Variants in RSU1 observed in about 807,000 individuals in gnomAD.
RSU1 encodes Ras suppressor protein 1, also known as rsu-1.
In RSU1, 26 loss-of-function variants were observed where a neutral mutation model predicts 31.1. The observed-to-expected ratio is 0.84, with a 90% CI of 0.61 to 1.16. The LOEUF is 1.16. Among genes scored for constraint, RSU1 ranks in the 50% most tolerant of loss-of-function variants. RSU1 has a pLI of 0.00. For missense variants in RSU1, 320 were observed against 339.1 expected, an observed-to-expected ratio of 0.94 and a Z score of 0.44; for synonymous variants, 164 against 136.3, an observed-to-expected ratio of 1.20 and a Z score of -1.41.
Position 16,648,118 on chromosome 10 carries a change from T to TAA in RSU1, c.731+46903_731+46904dup, listed in dbSNP as rs35212403. Among the ~76,000 whole-genome samples, 1,334 of 143,306 alleles carry TAA rather than the reference T, an allele frequency of 9.3e-3. 19 individuals carry two copies. The highest frequency in any genetic ancestry group is 0.032 in the African/African-American group (1,209 of 38,024). The allele number at this position is 143,306 out of a possible 152,430, so 94.0% of individuals were successfully genotyped here. ...CATGAGCCATTGTGCCTGGCTAATT[T>TAA]AAAAAAAAAAAAAATTTTTTTTTTT... On this transcript the variant is annotated intron_variant, in intron 8 of 8. Coordinates refer to ENST00000345264, the MANE Select transcript of RSU1 (RefSeq NM_012425.4).
Position 16,747,211 on chromosome 10 carries a change from C to CA in RSU1, c.598+5327dup, listed in dbSNP as rs549756285. ...TCAGTGTTTAGGAACCATAGTGCTTCAGGCTCAATCTTTCACTCTCTGCAG... is the reference window on the plus strand; with the variant it reads ...TCAGTGTTTAGGAACCATAGTGCTTCAAGGCTCAATCTTTCACTCTCTGCAG... On this transcript the variant is annotated intron_variant, in intron 7 of 8. Transcript: ENST00000345264. 1.5e-4 allele frequency among the ~76,000 whole-genome samples: 23 copies of CA among 152,310 alleles called. No individual in the cohort carries two copies. In the South Asian group the frequency reaches 4.1e-3, roughly 27 times the overall value.
At chr10:16,804,372 C>A (rs1364723412) in intron 2 of RSU1, among the ~76,000 whole-genome samples, 1 of 152,160 alleles carries the variant, frequency 6.6e-6, no homozygotes, top group African/African-American at 2.4e-5. Flanking sequence ...TGGTAGAAAA[C>A]AAAATGGTAC....
At chr10:16,730,643 G>T (rs1836489853) in intron 7 of RSU1, among the ~76,000 whole-genome samples, 1 of 152,084 alleles carries the variant, frequency 6.6e-6, no homozygotes, top group Admixed American at 6.5e-5. Flanking sequence ...TGCAGCAAAA[G>T]GTTACTTGAT....
At chr10:16,733,685 G>T (rs1270634394) in intron 7 of RSU1, among the ~76,000 whole-genome samples, 2 of 152,136 alleles carry the variant, frequency 1.3e-5, no homozygotes, top group African/African-American at 4.8e-5. Context: ...TTTTGTGAAA[G>T]AAGTAGGTGA....
chr10:16,812,957 T>C (rs1347457670), intron 2 of RSU1, among the ~76,000 whole-genome samples: 2 of 150,186 alleles, frequency 1.3e-5, no homozygotes, highest in African/African-American at 4.9e-5. Context: ...AAGAATAAAA[T>C]CAGCAGCATT....
chr10:16,778,861 G>A (rs1837595647), intron 3 of RSU1, among the ~76,000 whole-genome samples: 1 of 152,220 alleles, frequency 6.6e-6, no homozygotes, highest in Non-Finnish European at 1.5e-5. Context: ...GGCAGTGAGT[G>A]CATGAGAGTA....
At chr10:16,734,639 C>A (rs1405826525) in intron 7 of RSU1, among the ~76,000 whole-genome samples, 1 of 152,138 alleles carries the variant, frequency 6.6e-6, no homozygotes, top group African/African-American at 2.4e-5. Context: ...GGTAACTTGA[C>A]TTATTGTTGC....
chr10:16,804,773 T>TAG (rs1353743085), intron 2 of RSU1, among the ~76,000 whole-genome samples: 1 of 152,164 alleles, frequency 6.6e-6, no homozygotes, highest in African/African-American at 2.4e-5. Context: ...GGTAAAATTA[T>TAG]AGAGACAAAC....
At chr10:16,814,345 G>A (rs1838476982) in intron 2 of RSU1, among the ~76,000 whole-genome samples, 3 of 151,902 alleles carry the variant, frequency 2.0e-5, no homozygotes, top group Non-Finnish European at 4.4e-5. Context: ...CTACTCGGGA[G>A]GCTGAGGTGG....
intron 6 of RSU1, 115 bp from the exon 7 acceptor site, chr10:16,752,768 C>T: frequency 9.7e-7 from 1 of 1,036,160 alleles, no homozygotes; most frequent in South Asian, 1.4e-5. Context: ...CATGTATTTA[C>T]AAGTGCCGGC....
chr10:16,796,392 CAGT>C (rs1171580821), intron 2 of RSU1, among the ~76,000 whole-genome samples: 1 of 152,118 alleles, frequency 6.6e-6, no homozygotes, highest in Non-Finnish European at 1.5e-5. Flanking sequence ...TCTCTTCTCC[CAGT>C]CCTGCTCCAG....
chr10:16,706,144 G>A (rs1347121582), intron 7 of RSU1, among the ~76,000 whole-genome samples: 4 of 152,034 alleles, frequency 2.6e-5, no homozygotes, highest in Non-Finnish European at 4.4e-5. Flanking sequence ...CAATTATTTC[G>A]GGAATATACT....
chr10:16,711,818 G>C (rs1368681373), intron 7 of RSU1, among the ~76,000 whole-genome samples: 2 of 152,150 alleles, frequency 1.3e-5, no homozygotes, highest in Non-Finnish European at 2.9e-5. Context: ...CTCTATCCTG[G>C]AGAATGTTTC....
At chr10:16,767,872 ACT>A (rs1206976555) in intron 3 of RSU1, among the ~76,000 whole-genome samples, 2 of 151,900 alleles carry the variant, frequency 1.3e-5, no homozygotes, top group Non-Finnish European at 2.9e-5. Flanking sequence ...TCCCAACCAA[ACT>A]CTCTGAAAAA....
chr10:16,657,528 A>AG (rs1834808322), intron 8 of RSU1, among the ~76,000 whole-genome samples: 1 of 146,362 alleles, frequency 6.8e-6, no homozygotes, highest in African/African-American at 2.7e-5. Context: ...CAATCATACT[A>AG]GAAAAAAAAA....
At chr10:16,764,324 T>C in intron 4 of RSU1, 66 bp downstream of exon 4, 5 of 1,484,378 alleles carry the variant, frequency 3.4e-6, no homozygotes, top group Non-Finnish European at 4.5e-6. Flanking sequence ...ATCCCTCCCC[T>C]GGCCTTACCC....
intron 8 of RSU1, among the ~76,000 whole-genome samples, chr10:16,649,006 C>T (rs551063034): frequency 1.3e-5 from 2 of 152,056 alleles, no homozygotes; most frequent in Admixed American, 1.3e-4. Flanking sequence ...AAAATGATTC[C>T]GTTCTGAGAC....
At chr10:16,707,326 A>G (rs1394932831) in intron 7 of RSU1, among the ~76,000 whole-genome samples, 3 of 152,180 alleles carry the variant, frequency 2.0e-5, no homozygotes, top group African/African-American at 7.2e-5. Flanking sequence ...ACTCTTTTCC[A>G]TAATGGTTAA....
At chr10:16,747,205 G>A (rs1017162290) in intron 7 of RSU1, among the ~76,000 whole-genome samples, 3 of 152,148 alleles carry the variant, frequency 2.0e-5, no homozygotes, top group Admixed American at 6.5e-5. Context: ...AGGAACCATA[G>A]TGCTTCAGGC....
Sources: allele counts gnomAD v4.1 joint callset (sites outside exome capture counted in the v4.1 genomes callset), GRCh38; gene constraint gnomAD v4.1.1; transcripts MANE v1.5; gene names NCBI Gene and HGNC (gene_info 2026-07-23, HGNC 2026-07-21).